Variants in RALYL observed in about 807,000 individuals in gnomAD.
RALYL encodes the protein RNA-binding Raly-like protein.
RALYL carries 29 observed loss-of-function variants against 35.1 expected under a neutral mutation model. The observed-to-expected ratio is 0.83, with a 90% CI of 0.61 to 1.13. RALYL has a LOEUF of 1.13. Among genes scored for constraint, RALYL ranks in the 50% most tolerant of loss-of-function variants. The probability of loss-of-function intolerance (pLI) is 0.00; values close to 1 mark genes in which losing one functional copy is unlikely to be tolerated. For synonymous variants in RALYL, 120 were observed against 127.6 expected (o/e 0.94, Z 0.40); for missense variants, 359 against 360.4 (o/e 1.00, Z 0.03).
chr8:84,876,018 G>A (rs1438995921), intron 7 of RALYL, among the ~76,000 whole-genome samples: 1 of 152,144 alleles, frequency 6.6e-6, no homozygotes, highest in African/African-American at 2.4e-5. Flanking sequence ...CTGAGGTCAA[G>A]TTCCATAGTA....
chr8:84,453,939 G>C (rs544459860), intron 1 of RALYL, among the ~76,000 whole-genome samples: 96 of 152,120 alleles, frequency 6.3e-4, no homozygotes, highest in Admixed American at 3.2e-3. Context: ...ACCAAATCCA[G>C]ATGTAGGCTA....
chr8:84,595,125 T>C (rs1418151975), intron 2 of RALYL, among the ~76,000 whole-genome samples: 1 of 152,108 alleles, frequency 6.6e-6, no homozygotes, highest in Non-Finnish European at 1.5e-5. Context: ...GAACATAATA[T>C]ATGCTGGTAA....
At chr8:84,317,091 A>G (rs1843894236) in intron 1 of RALYL, among the ~76,000 whole-genome samples, 1 of 152,130 alleles carries the variant, frequency 6.6e-6, no homozygotes, top group Non-Finnish European at 1.5e-5. Flanking sequence ...GAATATAGTC[A>G]GAGCAGCAGG....
chr8:84,214,452 T>A (rs969138559), intron 1 of RALYL, among the ~76,000 whole-genome samples: 3 of 152,168 alleles, frequency 2.0e-5, no homozygotes, highest in African/African-American at 7.2e-5. Context: ...TATATATTCA[T>A]ATTTGGCATA....
At chr8:84,475,595 G>T (rs914083137) in intron 1 of RALYL, among the ~76,000 whole-genome samples, 2 of 152,118 alleles carry the variant, frequency 1.3e-5, no homozygotes, top group African/African-American at 2.4e-5. Flanking sequence ...AAAGAAAAGG[G>T]TTTATAATTT....
chr8:84,804,263 G>A (rs1217319677), intron 3 of RALYL, among the ~76,000 whole-genome samples: 1 of 152,280 alleles, frequency 6.6e-6, no homozygotes, highest in African/African-American at 2.4e-5. Context: ...GGAGGCTGAA[G>A]GACCCAAATT....
intron 1 of RALYL, among the ~76,000 whole-genome samples, chr8:84,481,653 AAGAAT>A (rs1419564160): frequency 6.6e-6 from 1 of 152,208 alleles, no homozygotes; most frequent in African/African-American, 2.4e-5. Flanking sequence ...ATAAAAAAGA[AAGAAT>A]AGATGTACAA....
chr8:84,831,757 A>G (rs550527682), intron 4 of RALYL, among the ~76,000 whole-genome samples: 5 of 152,276 alleles, frequency 3.3e-5, no homozygotes, highest in African/African-American at 9.6e-5. Context: ...AGGGATAAAA[A>G]TTGACAGTAA....
At chr8:84,726,127 T>A (rs1844898377) in intron 2 of RALYL, among the ~76,000 whole-genome samples, 1 of 150,574 alleles carries the variant, frequency 6.6e-6, no homozygotes, top group South Asian at 2.1e-4. Context: ...TAAACAATCA[T>A]CATTTTGAAT....
intron 2 of RALYL, among the ~76,000 whole-genome samples, chr8:84,530,583 A>G (rs545487323): frequency 6.6e-6 from 1 of 152,214 alleles, no homozygotes; most frequent in East Asian, 1.9e-4. Flanking sequence ...CTCCTTTTAA[A>G]TGTGTGCTGA....
In RALYL at chr8:84,539,861, T is replaced by C. The variant is rs1387345632; in HGVS notation, c.256+10284T>C. Reference sequence around the variant, plus strand: ...ATATATATATATATATATGTATATATATATATATATATATATGTATATATA... The same window carrying C: ...ATATATATATATATATATGTATATACATATATATATATATATGTATATATA... On this transcript the variant is annotated intron_variant, in intron 2 of 8. Transcript: ENST00000521268. Among the ~76,000 whole-genome samples, 739 of 85,390 alleles carry C rather than the reference T, an allele frequency of 8.7e-3. 9 individuals are homozygous for C. The highest frequency in any genetic ancestry group is 0.014 in the Middle Eastern group (2 of 138). 56.0% of individuals were successfully genotyped at this position (85,390 alleles called of 152,430 possible). A position where few individuals can be genotyped will look rare whatever the true frequency, so the allele number is the denominator to read the frequency against.
At chr8:84,287,508 G>A (rs1211415476) in intron 1 of RALYL, among the ~76,000 whole-genome samples, 2 of 152,128 alleles carry the variant, frequency 1.3e-5, no homozygotes, top group Non-Finnish European at 2.9e-5. Flanking sequence ...ATAAAATGAA[G>A]AAGGGTCATG....
At chr8:84,374,454 A>C (rs1328566988) in intron 1 of RALYL, among the ~76,000 whole-genome samples, 1 of 151,986 alleles carries the variant, frequency 6.6e-6, no homozygotes, top group Non-Finnish European at 1.5e-5. Context: ...TTACAATAGC[A>C]AAGACATGGA....
chr8:84,711,702 G>T (rs1842215827), intron 2 of RALYL, among the ~76,000 whole-genome samples: 2 of 152,062 alleles, frequency 1.3e-5, no homozygotes. Context: ...AGTGATAATA[G>T]GTTTGATATT....
At chr8:84,256,280 A>C (rs1009385258) in intron 1 of RALYL, among the ~76,000 whole-genome samples, 2 of 152,162 alleles carry the variant, frequency 1.3e-5, no homozygotes, top group African/African-American at 4.8e-5. Flanking sequence ...TTTGTCTCTT[A>C]ACATATGTTC....
At chr8:84,708,629 T>G (rs1187530229) in intron 2 of RALYL, among the ~76,000 whole-genome samples, 1 of 152,176 alleles carries the variant, frequency 6.6e-6, no homozygotes, top group African/African-American at 2.4e-5. Flanking sequence ...AATTAATGTT[T>G]AACTTTTGAG....
rs554165078 is a variant in RALYL at position 84,365,607 on chromosome 8, G to A, written c.-23-163692G>A. On this transcript the variant is annotated intron_variant, in intron 1 of 8. Coordinates refer to ENST00000521268, the MANE Select transcript of RALYL (RefSeq NM_173848.7). ...TAGTGTCTAGAAAATTGAAGCAAATGTATTTTATGAAAGCAGTGAGTTACT... is the reference window on the plus strand; with the variant it reads ...TAGTGTCTAGAAAATTGAAGCAAATATATTTTATGAAAGCAGTGAGTTACT... 2.2e-4 allele frequency among the ~76,000 whole-genome samples: 34 copies of A among 152,276 alleles called. No individual in the cohort carries two copies. The South Asian group carries it at 5.0e-3, about 22-fold the overall frequency.
chr8:84,551,600 T>G (rs967758245), intron 2 of RALYL, among the ~76,000 whole-genome samples: 2 of 151,924 alleles, frequency 1.3e-5, no homozygotes, highest in African/African-American at 4.8e-5. Context: ...ATAGCTTGAT[T>G]TAAAAAAAAT....
intron 2 of RALYL, among the ~76,000 whole-genome samples, chr8:84,583,118 C>T (rs1811218072): frequency 6.6e-6 from 1 of 152,106 alleles, no homozygotes; most frequent in South Asian, 2.1e-4. Flanking sequence ...ACTGACACAA[C>T]ATTTTCTTTA....
Sources: gnomAD v4.1 joint callset for allele counts (sites outside exome capture counted in the v4.1 genomes callset) on GRCh38, gnomAD v4.1.1 for gene constraint, MANE v1.5 for transcripts, NCBI Gene and HGNC (gene_info 2026-07-23, HGNC 2026-07-21) for gene names.